Variants in PALS1 observed in about 807,000 individuals in gnomAD.
PALS1 encodes protein PALS1.
A neutral mutation model predicts 78.9 loss-of-function variants in PALS1; 31 were observed. That is an observed-to-expected ratio of 0.39 (90% CI 0.30 to 0.53). The LOEUF (loss-of-function observed/expected upper bound fraction) is 0.53, where lower values mean the gene tolerates loss of function less well. PALS1 is among the 20% of genes least tolerant of loss of function. PALS1 has a pLI of 0.67. For missense variants in PALS1, 704 were observed against 826.5 expected, an observed-to-expected ratio of 0.85 and a Z score of 1.82; for synonymous variants, 276 against 270.9, an observed-to-expected ratio of 1.02 and a Z score of -0.18.
chr14:67,321,078 A>C lies in PALS1; in HGVS notation c.1559A>C (p.Asp520Ala). 6.2e-7 allele frequency: 1 copy of C among 1,614,108 alleles called. No homozygotes were observed. The highest frequency in any genetic ancestry group is 8.5e-7 in the Non-Finnish European group (1 of 1,179,982). Residue 520 changes from aspartate (D) to alanine (A), a missense_variant, in exon 13 of 15, where the codon GAC becomes GCC. By Grantham distance (126) the Asp-to-Ala change is moderately radical. Coordinates refer to ENST00000261681, the MANE Select transcript of PALS1 (RefSeq NM_022474.4). ...CTAGATACAACCCGGAGTAGGCGAG[A>C]CCAAGAAGTAGCCGGTAGAGATTAC... ...AVPHTTRSRRDQEVAGRDYHF... is the reference protein window; with the variant it reads ...AVPHTTRSRRAQEVAGRDYHF...
At chr14:67,294,729 G>C (rs1837914371) in intron 4 of PALS1, 1 of 151,826 alleles carries the variant, frequency 6.6e-6, no homozygotes, top group South Asian at 2.1e-4. Flanking sequence ...CTGGAGTGCA[G>C]TGGCACGATC....
At chr14:67,331,204 C>T (rs545619042) in intron 14 of PALS1, among the ~76,000 whole-genome samples, 40 of 152,200 alleles carry the variant, frequency 2.6e-4, no homozygotes, top group Middle Eastern at 3.4e-3. Context: ...ACCATCACGC[C>T]TGGCTATTTT....
intron 1 of PALS1, among the ~76,000 whole-genome samples, chr14:67,248,742 T>A (rs576115964): frequency 6.6e-6 from 1 of 152,332 alleles, no homozygotes; most frequent in South Asian, 2.1e-4. Context: ...CAAATGAGCA[T>A]GACTTTTCCA....
chr14:67,254,504 C>T (rs28424592), intron 1 of PALS1, among the ~76,000 whole-genome samples: 23,459 of 152,098 alleles, frequency 0.15, 3,416 homozygotes, highest in East Asian at 0.42. Flanking sequence ...TAATTGTACT[C>T]TAAACCTGTT....
chr14:67,331,076 A>T (rs10147640), intron 14 of PALS1, among the ~76,000 whole-genome samples: 1 of 150,890 alleles, frequency 6.6e-6, no homozygotes, highest in Non-Finnish European at 1.5e-5. Flanking sequence ...ACAGAGTCTC[A>T]CTCTGTCGCC....
At chr14:67,313,422 A>C (rs1183469446) in intron 9 of PALS1, among the ~76,000 whole-genome samples, 1 of 152,184 alleles carries the variant, frequency 6.6e-6, no homozygotes, top group Non-Finnish European at 1.5e-5. Flanking sequence ...GGTATAGCCT[A>C]TTCCTCCAAC....
chr14:67,317,563 T>C (rs1305548467), intron 11 of PALS1, 84 bp downstream of exon 11: 1 of 841,848 alleles, frequency 1.2e-6, no homozygotes, highest in Non-Finnish European at 1.8e-6. Context: ...ATGTTAAATA[T>C]GTGCTTGAGA....
chr14:67,274,769 C>T (rs2084471164), intron 2 of PALS1, among the ~76,000 whole-genome samples: 1 of 152,172 alleles, frequency 6.6e-6, no homozygotes, highest in Non-Finnish European at 1.5e-5. Context: ...GAATGTTCTT[C>T]CATTTGTTTG....
At chr14:67,272,430 G>C (rs989142946) in intron 2 of PALS1, among the ~76,000 whole-genome samples, 1 of 152,154 alleles carries the variant, frequency 6.6e-6, no homozygotes, top group African/African-American at 2.4e-5. Context: ...TACTTCTGGA[G>C]TTGTAATGAG....
chr14:67,264,184 G>T (rs1273819637), intron 1 of PALS1, among the ~76,000 whole-genome samples: 1 of 152,160 alleles, frequency 6.6e-6, no homozygotes, highest in African/African-American at 2.4e-5. Context: ...TAAAGTGTTT[G>T]TTAGGCCAAA....
At chr14:67,263,600 G>A (rs2084270580) in intron 1 of PALS1, among the ~76,000 whole-genome samples, 1 of 152,162 alleles carries the variant, frequency 6.6e-6, no homozygotes, top group South Asian at 2.1e-4. Flanking sequence ...ACAGTTAAAT[G>A]CTTCTGTTCT....
chr14:67,315,268 A>ATTTTTT (rs531037352), intron 9 of PALS1, among the ~76,000 whole-genome samples: 3 of 101,590 alleles, frequency 3.0e-5, no homozygotes, highest in Non-Finnish European at 5.6e-5. Context: ...CTTATTTTTA[A>ATTTTTT]TTTTTTTTTT....
intron 1 of PALS1, among the ~76,000 whole-genome samples, chr14:67,244,454 A>G (rs1282950878): frequency 6.6e-6 from 1 of 152,244 alleles, no homozygotes; most frequent in Non-Finnish European, 1.5e-5. Context: ...GTGGATGAGA[A>G]ATGATATAAT....
intron 7 of PALS1, 113 bp from the exon 8 acceptor site, chr14:67,303,409 T>G (rs2084956366): frequency 1.3e-6 from 1 of 754,918 alleles, no homozygotes; most frequent in Admixed American, 2.2e-5. Flanking sequence ...GCTGGTCATT[T>G]AAGTCTGTGG....
chr14:67,298,209 T>C (rs985129344), intron 4 of PALS1, among the ~76,000 whole-genome samples: 2 of 152,202 alleles, frequency 1.3e-5, no homozygotes, highest in African/African-American at 4.8e-5. Context: ...TTAAAAAGGA[T>C]ATTTAGTGAC....
intron 4 of PALS1, 21 bp downstream of exon 4, chr14:67,292,740 G>C (rs2084793465): frequency 2.5e-5 from 39 of 1,585,594 alleles, no homozygotes; most frequent in Non-Finnish European, 3.3e-5. Flanking sequence ...TAAACATCTT[G>C]TTGATGTCTA....
intron 1 of PALS1, among the ~76,000 whole-genome samples, chr14:67,262,331 G>A (rs1254570683): frequency 1.3e-5 from 2 of 152,090 alleles, no homozygotes; most frequent in Admixed American, 6.6e-5. Flanking sequence ...AAAATAGAAT[G>A]TATCTTCTCT....
intron 1 of PALS1, among the ~76,000 whole-genome samples, chr14:67,258,918 T>C (rs1010915429): frequency 6.6e-6 from 1 of 152,114 alleles, no homozygotes; most frequent in Non-Finnish European, 1.5e-5. Flanking sequence ...CTCTGCTCAC[T>C]GCAGCCTCCC....
Position 67,264,801 on chromosome 14 carries a change from C to T in PALS1, c.-236-4900C>T, listed in dbSNP as rs1379021931. Among the ~76,000 whole-genome samples, 3 of 152,206 alleles carry T rather than the reference C, an allele frequency of 2.0e-5. No individual in the cohort carries two copies. In the East Asian group the frequency reaches 5.8e-4, roughly 29 times the overall value. On this transcript the variant is annotated intron_variant, in intron 1 of 14. Transcript: ENST00000261681. The stretch of plus-strand genomic sequence containing the variant: ...ACTTGTAAACTAAATCTTTCAGTTA[C>T]AGATGTGTTATATATATGCTTTTTG...
Sources: allele counts gnomAD v4.1 joint callset (sites outside exome capture counted in the v4.1 genomes callset), GRCh38; gene constraint gnomAD v4.1.1; transcripts MANE v1.5; gene names NCBI Gene and HGNC (gene_info 2026-07-23, HGNC 2026-07-21).